Variants in CHD9 observed in about 807,000 individuals in gnomAD.
CHD9 encodes the protein chromodomain helicase DNA binding protein 9.
CHD9 carries 77 observed loss-of-function variants against 316.1 expected under a neutral mutation model. That is an observed-to-expected ratio of 0.24 (90% CI 0.20 to 0.29). CHD9 has a LOEUF of 0.29. Ranked by LOEUF, CHD9 falls within the 10% of genes least tolerant of loss-of-function variation. The pLI is 1.00. For synonymous variants in CHD9, 1,129 were observed against 1,158.3 expected (o/e 0.97, Z 0.51); for missense variants, 2,763 against 3,438.1 (o/e 0.80, Z 4.91).
At chr16:53,154,723 GCT>G (rs1269974798) in intron 1 of CHD9, among the ~76,000 whole-genome samples, 6 of 152,208 alleles carry the variant, frequency 3.9e-5, no homozygotes, top group Non-Finnish European at 8.8e-5. Context: ...AGGAGGCGGA[GCT>G]CAGGCAGTAA....
rs758218882 is a variant in CHD9, at chr16:53,156,898, T to A, written c.809T>A (p.Phe270Tyr). The change falls in exon 2 of 39, where the codon TTT becomes TAT. Residue 270 changes from phenylalanine (F) to tyrosine (Y), a missense_variant. Phe to Tyr is a conservative substitution (Grantham distance 22). Around this residue, in one of 15 missense-constraint regions of CHD9, gnomAD observed 859 missense variants for 890.4 expected, o/e 0.96. Transcript: ENST00000447540. Reference protein sequence around the residue: ...TSCSVSNSQQFSSHYSFSSNH... With the variant: ...TSCSVSNSQQYSSHYSFSSNH... Reference sequence around the variant, plus strand: ...TGTTCTGTCAGTAATTCACAGCAATTTTCTTCACATTATTCCTTTTCCAGT... The same window carrying A: ...TGTTCTGTCAGTAATTCACAGCAATATTCTTCACATTATTCCTTTTCCAGT... 6.2e-7 allele frequency: 1 copy of A among 1,613,770 alleles called. No homozygotes were observed. Among genetic ancestry groups the A allele is most frequent in the Non-Finnish European group, 8.5e-7 (1 of 1,179,740 alleles).
chr16:53,279,389 A>G lies in CHD9; in HGVS notation c.4967+5087A>G, dbSNP rs1021126499. Reference sequence around the variant, plus strand: ...GTGGGGGGTAAGGGGGAGGGATAGCATTAGGAGATATACCTAATGTAAATG... The same window carrying G: ...GTGGGGGGTAAGGGGGAGGGATAGCGTTAGGAGATATACCTAATGTAAATG... On this transcript the variant is annotated intron_variant, in intron 24 of 38. Transcript: ENST00000447540. Among the ~76,000 whole-genome samples, 10 of 152,172 alleles carry G rather than the reference A, an allele frequency of 6.6e-5. No individual in the cohort carries two copies. In the South Asian group the frequency reaches 8.3e-4, roughly 13 times the overall value.
intron 3 of CHD9, among the ~76,000 whole-genome samples, chr16:53,219,472 A>G (rs2047052701): frequency 6.6e-6 from 1 of 152,192 alleles, no homozygotes; most frequent in South Asian, 2.1e-4. Flanking sequence ...AGAATTGTCA[A>G]TGACTGAATC....
chr16:53,244,349 C>G (rs988692980), intron 13 of CHD9, among the ~76,000 whole-genome samples: 3 of 151,862 alleles, frequency 2.0e-5, no homozygotes, highest in African/African-American at 7.3e-5. Context: ...CCCACCACCA[C>G]GCCCGGCTAA....
At chr16:53,139,260 A>G (rs764605910) in intron 1 of CHD9, among the ~76,000 whole-genome samples, 1 of 152,202 alleles carries the variant, frequency 6.6e-6, no homozygotes, top group East Asian at 1.9e-4. Flanking sequence ...AGAACATAAA[A>G]TAACTACAGT....
intron 2 of CHD9, among the ~76,000 whole-genome samples, chr16:53,165,469 C>T (rs759262413): frequency 6.6e-6 from 1 of 151,908 alleles, no homozygotes; most frequent in East Asian, 1.9e-4. Flanking sequence ...TTTCATTTCC[C>T]CCACCCCAGA....
intron 29 of CHD9, among the ~76,000 whole-genome samples, chr16:53,294,117 A>G (rs1472961442): frequency 6.6e-6 from 1 of 152,240 alleles, no homozygotes; most frequent in East Asian, 1.9e-4. Flanking sequence ...GTCAAAGGGA[A>G]CAAATCGCAA....
intron 1 of CHD9, among the ~76,000 whole-genome samples, chr16:53,077,671 G>A (rs775704178): frequency 1.7e-4 from 26 of 152,128 alleles, no homozygotes; most frequent in African/African-American, 3.9e-4. Flanking sequence ...CACAATGTAC[G>A]TTTACAATAT....
At position 53,324,147 on chromosome 16, in the gene CHD9, C is replaced by T; in HGVS notation, c.7946C>T (p.Ser2649Phe). The T allele has an allele frequency of 6.2e-7, 1 of 1,614,012 alleles. No homozygotes were observed. Among genetic ancestry groups the T allele is most frequent in the South Asian group, 1.1e-5 (1 of 91,088 alleles). Reference sequence around the variant, plus strand: ...GCCACAGCAGCAGCAGCTGCTGCATCTGCCACCAGTGTTTCAGGCAATCCT... The same window carrying T: ...GCCACAGCAGCAGCAGCTGCTGCATTTGCCACCAGTGTTTCAGGCAATCCT... ...AKATAAAAAASATSVSGNPLL... is the reference protein window; with the variant it reads ...AKATAAAAAAFATSVSGNPLL... Residue 2649 changes from serine to phenylalanine, a missense_variant, in exon 39 of 39, where the codon TCT becomes TTT. By Grantham distance (155) the Ser-to-Phe change is radical (BLOSUM62 -2). Coordinates refer to ENST00000447540, the MANE Select transcript of CHD9 (RefSeq NM_001308319.2).
rs2050622157 is a variant in CHD9, at chr16:53,256,570, G to C, written c.4209+791G>C. Among the ~76,000 whole-genome samples the C allele has an allele frequency of 6.0e-5, 9 of 149,480 alleles. No homozygotes were observed. In the South Asian group the frequency reaches 1.9e-3, roughly 32 times the overall value. ...ACTCCTTACCTCAGGTGATCCACCC[G>C]CCTCGGCCTCCCAAAGTGCTGAGAT... is the stretch of plus-strand genomic sequence containing the variant. On this transcript the variant is annotated intron_variant, in intron 19 of 38. Transcript: ENST00000447540.
At chr16:53,204,500 A>G (rs1567473007) in intron 2 of CHD9, among the ~76,000 whole-genome samples, 1 of 152,180 alleles carries the variant, frequency 6.6e-6, no homozygotes, top group Non-Finnish European at 1.5e-5. Flanking sequence ...TAGAGGCATG[A>G]AGTGCATGCA....
chr16:53,064,555 G>A (rs1177843548), intron 1 of CHD9, among the ~76,000 whole-genome samples: 1 of 152,188 alleles, frequency 6.6e-6, no homozygotes, highest in Non-Finnish European at 1.5e-5. Flanking sequence ...GGAGGCTGGT[G>A]AACCTGGTTC....
intron 34 of CHD9, 26 bp from the exon 35 acceptor site, chr16:53,314,351 C>T (rs1211491019): frequency 6.6e-7 from 1 of 1,504,368 alleles, no homozygotes. Flanking sequence ...ATTTGTATCA[C>T]CATTTTGCAT....
chr16:53,325,087 G>A lies in CHD9; in HGVS notation c.*192G>A, dbSNP rs2057496151. On this transcript the variant is annotated 3_prime_UTR_variant, in exon 39 of 39. Transcript: ENST00000447540. ...TTAAGATTCATAAGTTTCTGAACTCGTATGTACTATCAAATACATAAAGGT... is the reference window on the plus strand; with the variant it reads ...TTAAGATTCATAAGTTTCTGAACTCATATGTACTATCAAATACATAAAGGT... The A allele has an allele frequency of 1.4e-5, 7 of 503,316 alleles. No homozygotes were observed. Among genetic ancestry groups the A allele is most frequent in the East Asian group, 3.1e-5 (1 of 32,344 alleles). The allele number at this position is 503,316 out of a possible 1,614,324, so 31.2% of individuals were successfully genotyped here.
chr16:53,219,792 A>C (rs540852091), intron 3 of CHD9, among the ~76,000 whole-genome samples: 9 of 152,318 alleles, frequency 5.9e-5, no homozygotes, highest in Non-Finnish European at 1.2e-4. Context: ...TCTAGGCCTC[A>C]ATTTCTTCTT....
chr16:53,132,792 GC>G (rs2039421046), intron 1 of CHD9, among the ~76,000 whole-genome samples: 1 of 110,342 alleles, frequency 9.1e-6, no homozygotes, highest in East Asian at 2.7e-4. Context: ...TTCTAATTCT[GC>G]TTTTTTTTTT....
intron 22 of CHD9, 62 bp from the exon 23 acceptor site, chr16:53,273,564 A>G: frequency 3.8e-6 from 5 of 1,310,048 alleles, no homozygotes; most frequent in Non-Finnish European, 4.1e-6. Context: ...CATTGAAACA[A>G]TCTTTCAGAT....
At chr16:53,091,201 G>T (rs2035915946) in intron 1 of CHD9, among the ~76,000 whole-genome samples, 1 of 152,204 alleles carries the variant, frequency 6.6e-6, no homozygotes, top group Non-Finnish European at 1.5e-5. Flanking sequence ...GGAAGGGAAA[G>T]GCCTTCTCCA....
chr16:53,309,774 G>A (rs2056305233), intron 34 of CHD9, among the ~76,000 whole-genome samples: 1 of 151,890 alleles, frequency 6.6e-6, no homozygotes. Context: ...GCCTGTTTTT[G>A]TTTTATCTTA....
Sources: gnomAD v4.1 joint callset for allele counts (sites outside exome capture counted in the v4.1 genomes callset) on GRCh38, gnomAD v4.1.1 for gene constraint, gnomAD v4.1.1 regional missense constraint, MANE v1.5 for transcripts, NCBI Gene and HGNC (gene_info 2026-07-23, HGNC 2026-07-21) for gene names.